FARP1: variants seen among roughly 807,000 people sequenced by gnomAD.
FARP1 encodes the protein FERM, ARH/RhoGEF and pleckstrin domain protein 1.
Under a neutral mutation model 128.8 loss-of-function variants are expected in FARP1, and 52 were observed. The ratio of observed to expected loss-of-function variants is 0.40; its 90% CI spans 0.32 to 0.51. FARP1 has a LOEUF of 0.51. Ranked by LOEUF, FARP1 falls within the 20% of genes least tolerant of loss-of-function variation. FARP1 has a pLI of 0.45. For synonymous variants in FARP1, 580 were observed against 551.8 expected (o/e 1.05, Z -0.72); for missense variants, 1,333 against 1,367.9 (o/e 0.97, Z 0.40).
chr13:98,323,703 AAGAC>A (rs59498261), intron 2 of FARP1, among the ~76,000 whole-genome samples: 4,796 of 152,284 alleles, frequency 0.031, 266 homozygotes, highest in African/African-American at 0.11. Context: ...GGAGAGCAGA[AAGAC>A]AGATTGTAAA....
At chr13:98,359,300 C>T (rs1888767022) in intron 3 of FARP1, among the ~76,000 whole-genome samples, 1 of 152,200 alleles carries the variant, frequency 6.6e-6, no homozygotes. Flanking sequence ...GCCTGGCACA[C>T]AGTGGGTGCT....
intron 2 of FARP1, among the ~76,000 whole-genome samples, chr13:98,318,067 C>CT (rs1886809696): frequency 7.5e-6 from 1 of 134,096 alleles, no homozygotes; most frequent in Non-Finnish European, 1.6e-5. Flanking sequence ...TTCTCCTCCT[C>CT]CTTTTTTTTT....
rs377216705 is a variant in FARP1, at chr13:98,409,435, C to T, written c.1512C>T (p.Pro504=). The change falls in exon 14 of 27, where the codon CCC becomes CCT. Residue 504 remains proline, a synonymous_variant. Transcript: ENST00000319562. Reference sequence around the variant, plus strand: ...TGACCTTGTCTCCCAACCTGAGCCCCGACACCAAGCAGGCCTCTCCCTTGA... The same window carrying T: ...TGACCTTGTCTCCCAACCTGAGCCCTGACACCAAGCAGGCCTCTCCCTTGA... ...ANVTLSPNLS[P]DTKQASPLIS... is the part of the protein sequence containing the mutation. 143 of 1,613,988 alleles carry T rather than the reference C, an allele frequency of 8.9e-5. No homozygotes were observed. The highest frequency in any genetic ancestry group is 1.6e-4 in the Middle Eastern group (1 of 6,084).
chr13:98,281,665 C>T (rs2139626219), intron 2 of FARP1, among the ~76,000 whole-genome samples: 1 of 152,284 alleles, frequency 6.6e-6, no homozygotes, highest in South Asian at 2.1e-4. Context: ...TAACTGCAAA[C>T]AAGAAATCTG....
intron 1 of FARP1, among the ~76,000 whole-genome samples, chr13:98,150,161 C>A (rs1260565304): frequency 1.3e-5 from 2 of 152,144 alleles, no homozygotes; most frequent in African/African-American, 4.8e-5. Flanking sequence ...GCCTCAGCCT[C>A]CCGAGTAGCT....
intron 3 of FARP1, among the ~76,000 whole-genome samples, chr13:98,346,151 A>G (rs1888167696): frequency 6.6e-6 from 1 of 151,014 alleles, no homozygotes; most frequent in South Asian, 2.1e-4. Flanking sequence ...ACTCTCTGTT[A>G]ATTACTGAAT....
Position 98,383,768 on chromosome 13 carries a change from A to G in FARP1, c.497-962A>G, listed in dbSNP as rs145793547. The G allele has an allele frequency of 6.6e-5, 10 of 152,316 alleles. No homozygotes were observed. The East Asian group carries it at 1.5e-3, about 24-fold the overall frequency. The allele number at this position is 152,316 out of a possible 1,614,324, so 9.4% of individuals were successfully genotyped here. The stretch of plus-strand genomic sequence containing the variant: ...GGCGCAAGTCTGATTTTAAAGCTCT[A>G]TCCTTTAACTTTCCACATTCCAGCA... On this transcript the variant is annotated intron_variant, in intron 6 of 26. Coordinates refer to ENST00000319562, the MANE Select transcript of FARP1 (RefSeq NM_005766.4).
At chr13:98,158,044 T>C (rs2139119020) in intron 1 of FARP1, among the ~76,000 whole-genome samples, 1 of 152,352 alleles carries the variant, frequency 6.6e-6, no homozygotes, top group East Asian at 1.9e-4. Context: ...GCATGTTTGC[T>C]TAAAATTCTA....
intron 1 of FARP1, among the ~76,000 whole-genome samples, chr13:98,206,440 T>C (rs1880272994): frequency 6.6e-6 from 1 of 152,226 alleles, no homozygotes; most frequent in Admixed American, 6.5e-5. Flanking sequence ...AAGAAAGTTA[T>C]GACTGGTTTG....
chr13:98,388,416 A>G lies in FARP1; in HGVS notation c.793A>G (p.Lys265Glu), dbSNP rs1316825534. ...FTKINAFNWA[K>E]VRKLSFKRKR... The stretch of plus-strand genomic sequence containing the variant: ...TAAGATCAATGCCTTCAACTGGGCC[A>G]AGGTGCGGAAGCTGAGCTTCAAGAG... The change falls in exon 9 of 27, where the codon AAG becomes GAG. Residue 265 changes from lysine to glutamate, a missense_variant. Around this residue, in one of 2 missense-constraint regions of FARP1, gnomAD observed 324 missense variants for 398.1 expected, o/e 0.81. Transcript: ENST00000319562. The G allele has an allele frequency of 6.2e-7, 1 of 1,614,110 alleles. No individual in the cohort carries two copies.
intron 18 of FARP1, chr13:98,432,029 T>C (rs1206576473): frequency 5.3e-5 from 8 of 152,322 alleles, no homozygotes; most frequent in Admixed American, 2.6e-4. Flanking sequence ...ATCAGCATAA[T>C]GAGCATCTCT....
At chr13:98,421,180 G>C (rs1207298872) in intron 16 of FARP1, among the ~76,000 whole-genome samples, 2 of 152,362 alleles carry the variant, frequency 1.3e-5, no homozygotes, top group East Asian at 3.9e-4. Flanking sequence ...TCTCTACCAT[G>C]AACGATGCTG....
At chr13:98,198,009 A>G (rs1305971219) in intron 1 of FARP1, among the ~76,000 whole-genome samples, 2 of 152,200 alleles carry the variant, frequency 1.3e-5, no homozygotes, top group African/African-American at 2.4e-5. Context: ...AATTCTTTAC[A>G]GTTTATTAAA....
chr13:98,162,443 G>A (rs866774037), intron 1 of FARP1, among the ~76,000 whole-genome samples: 11 of 152,248 alleles, frequency 7.2e-5, no homozygotes, highest in Middle Eastern at 6.8e-3. Flanking sequence ...GCTATTCCTA[G>A]CTCGGGGCAT....
intron 18 of FARP1, chr13:98,432,875 T>C (rs1318027328): frequency 6.6e-6 from 1 of 152,424 alleles, no homozygotes; most frequent in East Asian, 1.9e-4. Flanking sequence ...TGCAGGCAGG[T>C]ACCTGGGCAG....
In FARP1 at chr13:98,449,916, C is replaced by G. The variant is rs575462453; in HGVS notation, c.*1599C>G. 1 of 152,356 alleles carries G rather than the reference C, an allele frequency of 6.6e-6. No individual in the cohort carries two copies. Among genetic ancestry groups the G allele is most frequent in the African/African-American group, 2.4e-5 (1 of 41,440 alleles). The allele number at this position is 152,356 out of a possible 1,614,324, so 9.4% of individuals were successfully genotyped here. A position where few individuals can be genotyped will look rare whatever the true frequency, so the allele number is the denominator to read the frequency against. On this transcript the variant is annotated 3_prime_UTR_variant, in exon 27 of 27. Transcript: ENST00000319562. ...TCCCTATGCTCCCCCCACCTCCAGG[C>G]AGGGGCAGAGCAAACAAACAGCTCC...
intron 2 of FARP1, 72 bp downstream of exon 2, chr13:98,213,485 A>C (rs1331542538): frequency 3.6e-5 from 53 of 1,488,266 alleles, no homozygotes; most frequent in Non-Finnish European, 4.8e-5. Flanking sequence ...GGTTCGGCTC[A>C]TTCCCATGGC....
At position 98,453,614 on chromosome 13, in the gene FARP1, T is replaced by C. The variant is rs879754342; in HGVS notation, c.*5297T>C. 3.0e-5 allele frequency: 5 copies of C among 166,284 alleles called. No individual in the cohort carries two copies. Among genetic ancestry groups the C allele is most frequent in the Admixed American group, 6.2e-5 (1 of 16,246 alleles). 10.3% of individuals were successfully genotyped at this position (166,284 alleles called of 1,614,324 possible). Reference sequence around the variant, plus strand: ...CCCATTTTGGCCATAAAAATAGTGATGCAGTCCAAGAATCTATTTCCTAGA... The same window carrying C: ...CCCATTTTGGCCATAAAAATAGTGACGCAGTCCAAGAATCTATTTCCTAGA... On this transcript the variant is annotated 3_prime_UTR_variant, in exon 27 of 27. Transcript: ENST00000319562.
At chr13:98,432,211 T>C (rs1196966618) in intron 18 of FARP1, 1 of 152,322 alleles carries the variant, frequency 6.6e-6, no homozygotes, top group Non-Finnish European at 1.5e-5. Flanking sequence ...TTCTATCTCA[T>C]GGACAGTCCT....
Sources: gnomAD v4.1 joint callset for allele counts (sites outside exome capture counted in the v4.1 genomes callset) on GRCh38, gnomAD v4.1.1 for gene constraint, gnomAD v4.1.1 regional missense constraint, MANE v1.5 for transcripts, NCBI Gene and HGNC (gene_info 2026-07-23, HGNC 2026-07-21) for gene names.